Variants in MAP3K8 observed in about 807,000 individuals in gnomAD.
MAP3K8 encodes mitogen-activated protein kinase kinase kinase 8, also known as Ewing sarcoma transformant.
MAP3K8 carries 22 observed loss-of-function variants against 45.8 expected under a neutral mutation model. The observed-to-expected ratio is 0.48, with a 90% CI of 0.34 to 0.69. The LOEUF is 0.69. Ranked by LOEUF, MAP3K8 falls within the 30% of genes least tolerant of loss-of-function variation. The probability of loss-of-function intolerance (pLI) is 0.01; values close to 1 mark genes in which losing one functional copy is unlikely to be tolerated. For synonymous variants in MAP3K8, 223 were observed against 214.3 expected (o/e 1.04, Z -0.36); for missense variants, 419 against 585.0 (o/e 0.72, Z 2.93).
Position 30,434,311 on chromosome 10 carries a change from C to A in MAP3K8, c.-322C>A. The A allele has an allele frequency of 3.4e-6, 1 of 295,892 alleles. No homozygotes were observed. The highest frequency in any genetic ancestry group is 5.0e-6 in the Non-Finnish European group (1 of 199,428). The allele number at this position is 295,892 out of a possible 1,614,324, so 18.3% of individuals were successfully genotyped here. ...TCGGCTCCCACAGGCCTGCAGCCAG[C>A]ATCGCACCGAACCTTCGGGGGGCCG... On this transcript the variant is annotated 5_prime_UTR_variant, in exon 1 of 9. Transcript: ENST00000263056.
intron 1 of MAP3K8, among the ~76,000 whole-genome samples, chr10:30,436,544 T>C (rs922898465): frequency 1.3e-5 from 2 of 152,228 alleles, no homozygotes; most frequent in Middle Eastern, 6.8e-3. Context: ...GTTTTACATA[T>C]AAATGCCTGA....
At chr10:30,452,637 C>G (rs924863958) in intron 6 of MAP3K8, among the ~76,000 whole-genome samples, 15 of 150,884 alleles carry the variant, frequency 9.9e-5, no homozygotes, top group Admixed American at 9.2e-4. Context: ...AAAAAAAAAG[C>G]CCCCCAAAAT....
At chr10:30,448,200 T>C (rs888308030) in intron 4 of MAP3K8, among the ~76,000 whole-genome samples, 1 of 152,140 alleles carries the variant, frequency 6.6e-6, no homozygotes, top group Admixed American at 6.5e-5. Context: ...TTTAAAGCAC[T>C]GATTTGGATA....
intron 1 of MAP3K8, 103 bp from the exon 2 acceptor site, chr10:30,437,073 G>A: frequency 3.6e-6 from 2 of 554,614 alleles, no homozygotes; most frequent in Non-Finnish European, 4.6e-6. Context: ...TCTCAGGAGG[G>A]GAAGCTGCCC....
intron 7 of MAP3K8, 27 bp downstream of exon 7, chr10:30,458,263 G>GAC: frequency 3.1e-6 from 4 of 1,295,678 alleles, no homozygotes; most frequent in Non-Finnish European, 4.1e-6. Context: ...CAGGGCTGGG[G>GAC]GCGGCGGGGG....
At chr10:30,458,803 G>A (rs1405959308) in intron 7 of MAP3K8, among the ~76,000 whole-genome samples, 3 of 152,196 alleles carry the variant, frequency 2.0e-5, no homozygotes, top group African/African-American at 4.8e-5. Context: ...GGCCAAGCAC[G>A]GTGGCTCACG....
rs1017299999 is a variant in MAP3K8 at position 30,437,311 on chromosome 10, A to C, written c.-119A>C. 4 of 985,354 alleles carry C rather than the reference A, an allele frequency of 4.1e-6. No homozygotes were observed. The highest frequency in any genetic ancestry group is 6.1e-5 in the Admixed American group (1 of 16,268). The allele number at this position is 985,354 out of a possible 1,614,324, so 61.0% of individuals were successfully genotyped here. A position where few individuals can be genotyped will look rare whatever the true frequency, so the allele number is the denominator to read the frequency against. On this transcript the variant is annotated 5_prime_UTR_variant, in exon 2 of 9. Transcript: ENST00000263056. ...CTTTTCTCACTCATGCATACAAAGC[A>C]GCTAAAAATGACACAGCTTATTTAC...
rs745430402 is a variant in MAP3K8, at chr10:30,459,390, C to G, written c.1162C>G (p.Leu388Val). Residue 388 changes from leucine to valine, a missense_variant, in exon 8 of 9, where the codon CTG becomes GTG. Coordinates refer to ENST00000263056, the MANE Select transcript of MAP3K8 (RefSeq NM_005204.4). ...CGCAGACCTACTAAAACATGAGGCCCTGAACCCGCCCAGAGAGGATCAGCC... is the reference window on the plus strand; with the variant it reads ...CGCAGACCTACTAAAACATGAGGCCGTGAACCCGCCCAGAGAGGATCAGCC... ...RAADLLKHEA[L>V]NPPREDQPRC... 1.2e-6 allele frequency: 2 copies of G among 1,614,194 alleles called. No homozygotes were observed. The highest frequency in any genetic ancestry group is 1.7e-6 in the Non-Finnish European group (2 of 1,180,040).
intron 5 of MAP3K8, among the ~76,000 whole-genome samples, chr10:30,451,319 G>A (rs912794326): frequency 2.6e-5 from 4 of 152,086 alleles, no homozygotes; most frequent in African/African-American, 9.7e-5. Context: ...AAAAAGATGG[G>A]TATTTTACTT....
At chr10:30,443,439 C>T (rs1836186103) in intron 3 of MAP3K8, among the ~76,000 whole-genome samples, 1 of 152,200 alleles carries the variant, frequency 6.6e-6, no homozygotes, top group South Asian at 2.1e-4. Context: ...TTCCCCAGAT[C>T]TTGTCTCTTC....
chr10:30,451,048 C>T (rs1348090791), intron 5 of MAP3K8, among the ~76,000 whole-genome samples: 1 of 148,452 alleles, frequency 6.7e-6, no homozygotes, highest in Admixed American at 6.7e-5. Flanking sequence ...GCTGAGATGG[C>T]GCCATTGCTC....
chr10:30,437,757 G>A (rs191813096), intron 2 of MAP3K8, among the ~76,000 whole-genome samples: 1 of 152,222 alleles, frequency 6.6e-6, no homozygotes, highest in Non-Finnish European at 1.5e-5. Flanking sequence ...GCTCCAGATT[G>A]ATCAGACGTG....
In MAP3K8 at chr10:30,460,930, C is replaced by T. The variant is rs1836918931; in HGVS notation, c.*94C>T. The T allele has an allele frequency of 2.7e-6, 4 of 1,475,880 alleles. No homozygotes were observed. The South Asian group carries it at 3.9e-5, about 14-fold the overall frequency. The allele number at this position is 1,475,880 out of a possible 1,614,324, so 91.4% of individuals were successfully genotyped here. The stretch of plus-strand genomic sequence containing the variant: ...CAGGGGCCCTGTACAGTGAATGGTG[C>T]CATTTTCGAAGGAGCAGTGTGACCT... On this transcript the variant is annotated 3_prime_UTR_variant, in exon 9 of 9. Coordinates refer to ENST00000263056, the MANE Select transcript of MAP3K8 (RefSeq NM_005204.4).
In MAP3K8 at chr10:30,460,663, A is replaced by G. The variant is rs751075810; in HGVS notation, c.1274-43A>G. ...AGAAGGAACAGGTATTTATCATTTG[A>G]CACGTTTTCTTGTTACTTACTTTGT... On this transcript the variant is annotated intron_variant, in intron 8 of 8. Coordinates refer to ENST00000263056, the MANE Select transcript of MAP3K8 (RefSeq NM_005204.4). The G allele has an allele frequency of 9.8e-6, 15 of 1,529,230 alleles. 1 individual carries two copies. The highest frequency in any genetic ancestry group is 1.8e-4 in the Middle Eastern group (1 of 5,588). 94.7% of individuals were successfully genotyped at this position (1,529,230 alleles called of 1,614,324 possible).
chr10:30,455,504 G>A (rs1836702468), intron 6 of MAP3K8, among the ~76,000 whole-genome samples: 1 of 152,124 alleles, frequency 6.6e-6, no homozygotes, highest in Admixed American at 6.5e-5. Context: ...ACACATCCAG[G>A]GTTAATCCAG....
chr10:30,444,003 C>T (rs568580217), intron 3 of MAP3K8, among the ~76,000 whole-genome samples: 5 of 151,458 alleles, frequency 3.3e-5, no homozygotes, highest in African/African-American at 1.2e-4. Context: ...GCCTGGGCAA[C>T]ATAGTGAGAC....
Position 30,436,234 on chromosome 10 carries a change from C to T in MAP3K8, c.-254-942C>T, listed in dbSNP as rs8177050. On this transcript the variant is annotated intron_variant, in intron 1 of 8. Coordinates refer to ENST00000263056, the MANE Select transcript of MAP3K8 (RefSeq NM_005204.4). ...AGAATACCTTCACAATCTGAACTTTCTCTAGATGGGCACAGATCATGAATA... is the reference window on the plus strand; with the variant it reads ...AGAATACCTTCACAATCTGAACTTTTTCTAGATGGGCACAGATCATGAATA... Among the ~76,000 whole-genome samples the T allele has an allele frequency of 3.5e-3, 535 of 152,312 alleles. 1 individual carries two copies. The highest frequency in any genetic ancestry group is 0.017 in the Middle Eastern group (5 of 294).
intron 1 of MAP3K8, 51 bp from the exon 2 acceptor site, chr10:30,437,125 C>T (rs547110456): frequency 2.1e-6 from 2 of 971,258 alleles, no homozygotes; most frequent in East Asian, 1.1e-4. Flanking sequence ...GCCATGAAAG[C>T]ATTTCATAGG....
intron 6 of MAP3K8, among the ~76,000 whole-genome samples, chr10:30,457,014 G>A (rs1369477826): frequency 2.0e-5 from 3 of 151,914 alleles, no homozygotes; most frequent in Non-Finnish European, 4.4e-5. Flanking sequence ...AACCCGGGAG[G>A]CAGAGGTTGC....
Sources: gnomAD v4.1 joint callset for allele counts (sites outside exome capture counted in the v4.1 genomes callset) on GRCh38, gnomAD v4.1.1 for gene constraint, MANE v1.5 for transcripts, NCBI Gene and HGNC (gene_info 2026-07-23, HGNC 2026-07-21) for gene names.